The following CDH12 variants were observed in gnomAD, a reference collection of about 807,000 sequenced individuals.
The protein encoded by CDH12 is cadherin 12.
Under a neutral mutation model 74.1 loss-of-function variants are expected in CDH12, and 41 were observed. The ratio of observed to expected loss-of-function variants is 0.55; its 90% CI spans 0.43 to 0.72. CDH12 has a LOEUF of 0.72. CDH12 is among the 30% of genes least tolerant of loss of function. The pLI, the probability that CDH12 is intolerant of heterozygous loss-of-function variation, is 0.00. For synonymous variants in CDH12, 399 were observed against 355.0 expected (o/e 1.12, Z -1.39); for missense variants, 945 against 977.2 (o/e 0.97, Z 0.44).
chr5:22,448,676 A>G (rs1314521525), intron 2 of CDH12, among the ~76,000 whole-genome samples: 2 of 152,092 alleles, frequency 1.3e-5, no homozygotes, highest in Non-Finnish European at 2.9e-5. Flanking sequence ...GTTAAAGAGC[A>G]GTTATAAGAA....
chr5:22,702,916 A>G (rs1742793605), intron 1 of CDH12, among the ~76,000 whole-genome samples: 1 of 152,110 alleles, frequency 6.6e-6, no homozygotes, highest in Admixed American at 6.5e-5. Flanking sequence ...TTAAGTAAAT[A>G]AACTAACTTT....
At chr5:21,771,546 T>C (rs914368715) in intron 11 of CDH12, among the ~76,000 whole-genome samples, 1 of 152,114 alleles carries the variant, frequency 6.6e-6, no homozygotes, top group Non-Finnish European at 1.5e-5. Flanking sequence ...TGTTAAGTTA[T>C]TATTTAAGGA....
chr5:22,489,690 C>CTTT (rs753962922), intron 2 of CDH12, among the ~76,000 whole-genome samples: 77 of 120,618 alleles, frequency 6.4e-4, no homozygotes, highest in East Asian at 1.5e-3. Flanking sequence ...TGCAGTGTAA[C>CTTT]TTTTTTTTTT....
At chr5:22,319,454 T>C (rs1418311864) in intron 3 of CDH12, among the ~76,000 whole-genome samples, 1 of 152,052 alleles carries the variant, frequency 6.6e-6, no homozygotes, top group African/African-American at 2.4e-5. Context: ...AGTACGGAAA[T>C]TTAGGGTTTG....
chr5:22,310,237 G>A (rs904903501), intron 3 of CDH12, among the ~76,000 whole-genome samples: 12 of 152,000 alleles, frequency 7.9e-5, no homozygotes, highest in Non-Finnish European at 1.5e-4. Flanking sequence ...GAGGTGGGTG[G>A]TTCACCTGAC....
chr5:22,546,780 G>T (rs1245350737), intron 1 of CDH12, among the ~76,000 whole-genome samples: 1 of 152,066 alleles, frequency 6.6e-6, no homozygotes, highest in Admixed American at 6.6e-5. Context: ...TACATTGAAA[G>T]CCTTTTGCAT....
chr5:22,473,649 T>C (rs564018219), intron 2 of CDH12, among the ~76,000 whole-genome samples: 1 of 152,266 alleles, frequency 6.6e-6, no homozygotes, highest in East Asian at 1.9e-4. Context: ...TTTAATTTTG[T>C]AGGTGTGTCC....
At chr5:22,141,493 T>C (rs2963653) in intron 4 of CDH12, 61,529 of 151,858 alleles carry the variant, frequency 0.41, 13,036 homozygotes, top group Middle Eastern at 0.51. Flanking sequence ...GTAAAAGCCT[T>C]AGAGAGGAGG....
chr5:22,414,100 T>A (rs746914587), intron 2 of CDH12, among the ~76,000 whole-genome samples: 2 of 152,054 alleles, frequency 1.3e-5, no homozygotes, highest in Admixed American at 6.5e-5. Flanking sequence ...TATAATTGTA[T>A]GTTTTGTTCC....
At chr5:22,316,688 T>A (rs570783952) in intron 3 of CDH12, among the ~76,000 whole-genome samples, 1 of 152,176 alleles carries the variant, frequency 6.6e-6, no homozygotes, top group South Asian at 2.1e-4. Context: ...AATTGTTTAA[T>A]GTTTATGTTG....
intron 2 of CDH12, among the ~76,000 whole-genome samples, chr5:22,406,654 C>T (rs1288854211): frequency 1.3e-5 from 2 of 152,048 alleles, no homozygotes; most frequent in East Asian, 3.9e-4. Context: ...TCCAAATTAA[C>T]ATATTTAGAG....
At chr5:21,937,365 C>T (rs1285006277) in intron 6 of CDH12, among the ~76,000 whole-genome samples, 1 of 151,926 alleles carries the variant, frequency 6.6e-6, no homozygotes, top group Non-Finnish European at 1.5e-5. Context: ...AGATTACAGC[C>T]AGAGAAGAGA....
chr5:22,296,859 T>G (rs929952142), intron 3 of CDH12, among the ~76,000 whole-genome samples: 1 of 152,176 alleles, frequency 6.6e-6, no homozygotes, highest in Non-Finnish European at 1.5e-5. Context: ...ACAGCTTCAC[T>G]CCTATGTATA....
chr5:22,827,003 T>C (rs1426123032), intron 1 of CDH12, among the ~76,000 whole-genome samples: 2 of 152,094 alleles, frequency 1.3e-5, no homozygotes, highest in East Asian at 1.9e-4. Flanking sequence ...ATGGGGAAAA[T>C]ATCTCCAGAA....
chr5:21,842,335 G>A lies in CDH12; in HGVS notation c.647-7C>T. 1.3e-6 allele frequency: 2 copies of A among 1,568,872 alleles called. No homozygotes were observed. Among genetic ancestry groups the A allele is most frequent in the Non-Finnish European group, 8.7e-7 (1 of 1,155,520 alleles). On this transcript the variant is annotated splice_region_variant and splice_polypyrimidine_tract_variant and intron_variant, in intron 7 of 14. Coordinates refer to ENST00000382254, the MANE Select transcript of CDH12 (RefSeq NM_004061.5). ...AAAGCTGTTCTAATAACACCTTAAG[G>A]GATAAAAGCAATAATGTAAAATAAA...
intron 5 of CDH12, among the ~76,000 whole-genome samples, chr5:21,983,065 C>T (rs1757379045): frequency 6.6e-6 from 1 of 151,990 alleles, no homozygotes; most frequent in South Asian, 2.1e-4. Flanking sequence ...TATTAATCTC[C>T]TGGTTTGGAA....
At chr5:22,383,557 G>A (rs1355791236) in intron 3 of CDH12, among the ~76,000 whole-genome samples, 1 of 152,150 alleles carries the variant, frequency 6.6e-6, no homozygotes, top group East Asian at 1.9e-4. Flanking sequence ...AACACACTTG[G>A]AGAAAAGGAA....
intron 1 of CDH12, among the ~76,000 whole-genome samples, chr5:22,688,133 C>T (rs539893474): frequency 2.0e-5 from 3 of 151,710 alleles, no homozygotes; most frequent in Admixed American, 6.6e-5. Flanking sequence ...TCATTGTGTG[C>T]GAGTAACAAC....
intron 3 of CDH12, among the ~76,000 whole-genome samples, chr5:22,229,145 T>A (rs1752298124): frequency 6.7e-6 from 1 of 149,826 alleles, no homozygotes. Flanking sequence ...TTCTTTTTTT[T>A]TTTTTAGTAT....
Sources: gnomAD v4.1 joint callset for allele counts (sites outside exome capture counted in the v4.1 genomes callset) on GRCh38, gnomAD v4.1.1 for gene constraint, MANE v1.5 for transcripts, NCBI Gene and HGNC (gene_info 2026-07-23, HGNC 2026-07-21) for gene names.